Variants in YBX1 observed in about 807,000 individuals in gnomAD.
The protein encoded by YBX1 is Y-box binding protein 1.
Under a neutral mutation model 41.4 loss-of-function variants are expected in YBX1, and 3 were observed. The observed-to-expected ratio is 0.07, with a 90% CI of 0.03 to 0.19. YBX1 has a LOEUF of 0.19. Among genes scored for constraint, YBX1 ranks in the 10% least tolerant of loss-of-function variants. The pLI, the probability that YBX1 is intolerant of heterozygous loss-of-function variation, is 1.00. For missense variants in YBX1, 274 were observed against 462.8 expected (o/e 0.59, Z 3.74); for synonymous variants, 133 against 165.8 (o/e 0.80, Z 1.52).
At chr1:42,689,569 T>C (rs77273769) in intron 2 of YBX1, among the ~76,000 whole-genome samples, 1,792 of 152,310 alleles carry the variant, frequency 0.012, 37 homozygotes, top group African/African-American at 0.04. Flanking sequence ...TATGTAGATA[T>C]ACAGCTAGGA....
chr1:42,687,156 C>G (rs1650215275), intron 2 of YBX1, among the ~76,000 whole-genome samples: 1 of 152,036 alleles, frequency 6.6e-6, no homozygotes, highest in Non-Finnish European at 1.5e-5. Context: ...GTCAGCTATA[C>G]AAATAAAAGG....
At chr1:42,683,154 C>G (rs1304815611) in intron 1 of YBX1, 1 of 646,262 alleles carries the variant, frequency 1.5e-6, no homozygotes, top group African/African-American at 1.9e-5. Context: ...TGCTCTCCGT[C>G]CGCGGCCTGC....
In YBX1 at chr1:42,682,605, C is replaced by G. The variant is rs969372681; in HGVS notation, c.40C>G (p.Pro14Ala). 1 of 1,443,128 alleles carries G rather than the reference C, an allele frequency of 6.9e-7. No individual in the cohort carries two copies. Among genetic ancestry groups the G allele is most frequent in the Non-Finnish European group, 9.1e-7 (1 of 1,101,904 alleles). 89.4% of individuals were successfully genotyped at this position (1,443,128 alleles called of 1,614,324 possible). A position where few individuals can be genotyped will look rare whatever the true frequency, so the allele number is the denominator to read the frequency against. The part of the protein sequence containing the change: ...EAETQQPPAA[P>A]PAAPALSAAD... ...CGAGACCCAGCAGCCGCCCGCCGCCCCCCCCGCCGCCCCCGCCCTCAGCGC... is the reference window on the plus strand; with the variant it reads ...CGAGACCCAGCAGCCGCCCGCCGCCGCCCCCGCCGCCCCCGCCCTCAGCGC... The change falls in exon 1 of 8, where the codon CCC (proline) becomes GCC (alanine). Residue 14 changes from proline to alanine, a missense_variant. This residue lies in a region of YBX1 where 84 missense variants were observed against 130.8 expected (regional missense o/e 0.64). Transcript: ENST00000321358.
chr1:42,697,232 T>C lies in YBX1; in HGVS notation c.710T>C (p.Met237Thr), dbSNP rs770932766. 2 of 1,614,068 alleles carry C rather than the reference T, an allele frequency of 1.2e-6. No homozygotes were observed. Among genetic ancestry groups the C allele is most frequent in the Admixed American group, 3.3e-5 (2 of 60,004 alleles). The change falls in exon 6 of 8, where the codon ATG (methionine) becomes ACG (threonine). Residue 237 changes from methionine to threonine, a missense_variant. This residue lies in a region of YBX1 where 187 missense variants were observed against 306.3 expected (regional missense o/e 0.61). Coordinates refer to ENST00000321358, the MANE Select transcript of YBX1 (RefSeq NM_004559.5). ...CAAGGTAGACCAGTGAGGCAGAATA[T>C]GTATCGGGGATATAGACCACGATTC... ...GEQGRPVRQN[M>T]YRGYRPRFRR... is the part of the protein sequence containing the mutation.
chr1:42,690,984 C>T (rs1421959854), intron 2 of YBX1, among the ~76,000 whole-genome samples: 2 of 152,156 alleles, frequency 1.3e-5, no homozygotes. Flanking sequence ...ATAGTGATGG[C>T]TGGCAGAGAG....
At chr1:42,689,567 T>TATACAGCTAGGATAAAG in intron 2 of YBX1, among the ~76,000 whole-genome samples, 1 of 152,304 alleles carries the variant, frequency 6.6e-6, no homozygotes, top group South Asian at 2.1e-4. Context: ...TTTATGTAGA[T>TATACAGCTAGGATAAAG]ATACAGCTAG....
rs769894836 is a variant in YBX1, at chr1:42,703,509, T to C, written c.*1560T>C. 2.0e-5 allele frequency among the ~76,000 whole-genome samples: 3 copies of C among 152,100 alleles called. No homozygotes were observed. Among genetic ancestry groups the C allele is most frequent in the South Asian group, 4.1e-4 (2 of 4,834 alleles). On this transcript the variant is annotated 3_prime_UTR_variant, in exon 8 of 8. Coordinates refer to ENST00000321358, the MANE Select transcript of YBX1 (RefSeq NM_004559.5). ...TTTTTAACCCTACTTAGTGTAAATATCTGTACTGCAGAAGTGAGTTAGCCT... is the reference window on the plus strand; with the variant it reads ...TTTTTAACCCTACTTAGTGTAAATACCTGTACTGCAGAAGTGAGTTAGCCT...
Position 42,696,522 on chromosome 1 carries a change from C to CTTT in YBX1, c.355-114_355-112dup. 1 of 637,568 alleles carries CTTT rather than the reference C, an allele frequency of 1.6e-6. No individual in the cohort carries two copies. Among genetic ancestry groups the CTTT allele is most frequent in the South Asian group, 3.0e-5 (1 of 32,986 alleles). 39.5% of individuals were successfully genotyped at this position (637,568 alleles called of 1,614,324 possible). Reference sequence around the variant, plus strand: ...GGTCACGCAGTTGCGCCCCCCCCCCCTTTTTTTTCCTTAACTTTGTTGTTT... The same window carrying CTTT: ...GGTCACGCAGTTGCGCCCCCCCCCCCTTTTTTTTTTTCCTTAACTTTGTTGTTT... On this transcript the variant is annotated intron_variant, in intron 4 of 7. Coordinates refer to ENST00000321358, the MANE Select transcript of YBX1 (RefSeq NM_004559.5). The surrounding 1 kb of genome is among the most constrained non-coding windows in gnomAD (Gnocchi z 5.7).
intron 3 of YBX1, 131 bp downstream of exon 3, chr1:42,693,654 T>TA: frequency 1.2e-6 from 1 of 825,390 alleles, no homozygotes; most frequent in Non-Finnish European, 1.9e-6. Flanking sequence ...ACGACAGGAG[T>TA]AGTAGCATGC....
intron 2 of YBX1, among the ~76,000 whole-genome samples, chr1:42,684,169 A>T (rs186736605): frequency 6.6e-6 from 1 of 152,180 alleles, no homozygotes; most frequent in African/African-American, 2.4e-5. Flanking sequence ...GGCCATAGTC[A>T]CTGGTAACTT....
chr1:42,683,203 C>A, intron 1 of YBX1, 200 bp from the exon 2 acceptor site: 1 of 704,684 alleles, frequency 1.4e-6, no homozygotes. Flanking sequence ...CGGGCCTGCC[C>A]TGGAGCGCCC....
At position 42,703,520 on chromosome 1, in the gene YBX1, G is replaced by C. The variant is rs1006608027; in HGVS notation, c.*1571G>C. On this transcript the variant is annotated 3_prime_UTR_variant, in exon 8 of 8. Transcript: ENST00000321358. Reference sequence around the variant, plus strand: ...ACTTAGTGTAAATATCTGTACTGCAGAAGTGAGTTAGCCTATTTCTTGCTG... The same window carrying C: ...ACTTAGTGTAAATATCTGTACTGCACAAGTGAGTTAGCCTATTTCTTGCTG... Among the ~76,000 whole-genome samples the C allele has an allele frequency of 1.3e-5, 2 of 152,100 alleles. No homozygotes were observed. Among genetic ancestry groups the C allele is most frequent in the African/African-American group, 4.8e-5 (2 of 41,426 alleles).
chr1:42,698,860 C>A (rs562068964), intron 6 of YBX1, among the ~76,000 whole-genome samples: 39 of 152,278 alleles, frequency 2.6e-4, no homozygotes, highest in South Asian at 6.2e-4. Flanking sequence ...GCTAGACTTT[C>A]CAAACTGTGC....
At chr1:42,697,346 T>G in intron 6 of YBX1, 84 bp downstream of exon 6, 2 of 1,353,706 alleles carry the variant, frequency 1.5e-6, no homozygotes, top group Non-Finnish European at 2.0e-6. Context: ...TCCTGCAGAC[T>G]CATTTTTCTG....
chr1:42,701,007 G>A lies in YBX1; in HGVS notation c.967G>A (p.Ala323Thr), dbSNP rs373887234. The change falls in exon 7 of 8, where the codon GCT (alanine) becomes ACT (threonine). Residue 323 changes from alanine (A) to threonine (T), a missense_variant. Physicochemically the swap from Ala to Thr is moderately conservative, Grantham distance 58 (BLOSUM62 0). This residue lies in a region of YBX1 where 187 missense variants were observed against 306.3 expected (regional missense o/e 0.61). Transcript: ENST00000321358. ...CGCTCCCGAGGCTGAGCAGGGCGGG[G>A]CTGAGTAAATGCCGGCTTACCATCT... ...SSAPEAEQGG[A>T]E 6.8e-6 allele frequency: 11 copies of A among 1,613,968 alleles called. No homozygotes were observed. The highest frequency in any genetic ancestry group is 9.3e-6 in the Non-Finnish European group (11 of 1,180,002).
chr1:42,689,847 C>T (rs1650286347), intron 2 of YBX1, among the ~76,000 whole-genome samples: 1 of 151,986 alleles, frequency 6.6e-6, no homozygotes, highest in African/African-American at 2.4e-5. Context: ...TCTGGATAGG[C>T]CATAGTATAG....
intron 6 of YBX1, among the ~76,000 whole-genome samples, chr1:42,700,433 G>A (rs76852547): frequency 6.6e-6 from 1 of 152,062 alleles, no homozygotes; most frequent in East Asian, 1.9e-4. Context: ...GCAACACATC[G>A]CTACTAAAAA....
At chr1:42,698,629 C>T (rs1650518384) in intron 6 of YBX1, among the ~76,000 whole-genome samples, 1 of 152,138 alleles carries the variant, frequency 6.6e-6, no homozygotes, top group Non-Finnish European at 1.5e-5. Context: ...TGCTTCAGTT[C>T]ACCGTTGAGT....
At chr1:42,684,567 A>G (rs1650144716) in intron 2 of YBX1, among the ~76,000 whole-genome samples, 1 of 152,236 alleles carries the variant, frequency 6.6e-6, no homozygotes, top group Admixed American at 6.5e-5. Context: ...ATCATAGAGT[A>G]TTGTGGAAAC....
Sources: gnomAD v4.1 joint callset for allele counts (sites outside exome capture counted in the v4.1 genomes callset) on GRCh38, gnomAD v4.1.1 for gene constraint, gnomAD v4.1.1 regional missense constraint, Gnocchi (gnomAD v3.1) non-coding constraint, MANE v1.5 for transcripts, NCBI Gene and HGNC (gene_info 2026-07-23, HGNC 2026-07-21) for gene names.